The following AOPEP variants were observed in gnomAD, a reference collection of about 807,000 sequenced individuals.
The protein encoded by AOPEP is aminopeptidase O (putative), also known as aminopeptidase O.
Under a neutral mutation model 98.1 loss-of-function variants are expected in AOPEP, and 77 were observed. That is an observed-to-expected ratio of 0.78 (90% CI 0.65 to 0.95). The LOEUF (loss-of-function observed/expected upper bound fraction) is 0.95, where lower values mean the gene tolerates loss of function less well. Among genes scored for constraint, AOPEP ranks in the 40% least tolerant of loss-of-function variants. The pLI is 0.00. For synonymous variants in AOPEP, 346 were observed against 365.3 expected (o/e 0.95, Z 0.60); for missense variants, 1,024 against 1,024.7 (o/e 1.00, Z 0.01).
chr9:94,871,400 G>A (rs1287862300), intron 5 of AOPEP, among the ~76,000 whole-genome samples: 9 of 152,142 alleles, frequency 5.9e-5, no homozygotes. Flanking sequence ...GCGTAATGGT[G>A]GCTGATTTTA....
At chr9:94,896,494 C>G (rs138430940) in intron 5 of AOPEP, among the ~76,000 whole-genome samples, 1 of 152,258 alleles carries the variant, frequency 6.6e-6, no homozygotes, top group Non-Finnish European at 1.5e-5. Flanking sequence ...AGAAACCTGA[C>G]AGACTGGACT....
chr9:95,135,441 G>T, the AOPEP span: 25 of 1,613,800 alleles, frequency 1.5e-5, no homozygotes, highest in African/African-American at 2.7e-5. Context: ...GCTTTTTCAA[G>T]GCTGGGAAGG....
At chr9:95,109,191 C>T in the AOPEP span, among the ~76,000 whole-genome samples, 6 of 152,198 alleles carry the variant, frequency 3.9e-5, no homozygotes, top group African/African-American at 9.7e-5. Flanking sequence ...AGATTACAGG[C>T]ATGAACCACC....
intron 13 of AOPEP, among the ~76,000 whole-genome samples, chr9:95,043,539 T>C (rs2065551869): frequency 6.6e-6 from 1 of 152,228 alleles, no homozygotes; most frequent in Non-Finnish European, 1.5e-5. Flanking sequence ...TTGCTTTGTC[T>C]TGTGAAATTT....
intron 14 of AOPEP, among the ~76,000 whole-genome samples, chr9:95,074,648 C>G (rs1036160758): frequency 2.0e-4 from 30 of 152,230 alleles, no homozygotes; most frequent in Non-Finnish European, 3.7e-4. Flanking sequence ...CTAAAGCATT[C>G]AAGGGTGCAC....
At chr9:95,097,617 C>G in the AOPEP span, among the ~76,000 whole-genome samples, 31 of 152,346 alleles carry the variant, frequency 2.0e-4, no homozygotes, top group Middle Eastern at 6.8e-3. Context: ...TCATCAGTTC[C>G]CCTTTACTTT....
At chr9:95,105,956 C>A in the AOPEP span, among the ~76,000 whole-genome samples, 1 of 152,256 alleles carries the variant, frequency 6.6e-6, no homozygotes, top group African/African-American at 2.4e-5. Context: ...GCCCTCCAGC[C>A]CCTGCTTTCG....
chr9:94,958,229 C>T (rs1274546177), intron 9 of AOPEP, among the ~76,000 whole-genome samples: 1 of 152,204 alleles, frequency 6.6e-6, no homozygotes, highest in African/African-American at 2.4e-5. Context: ...AATTTCTTCC[C>T]TTCTTAAAGC....
At chr9:94,857,753 A>T (rs1050848263) in intron 5 of AOPEP, among the ~76,000 whole-genome samples, 1 of 152,206 alleles carries the variant, frequency 6.6e-6, no homozygotes. Flanking sequence ...TTATCATTTC[A>T]TGGAATGTGA....
At chr9:95,101,805 C>T in the AOPEP span, 1 of 1,614,108 alleles carries the variant, frequency 6.2e-7, no homozygotes, top group South Asian at 1.1e-5. Context: ...AAGGTCTGGT[C>T]AAGAAAGCCA....
At chr9:94,865,026 G>C (rs547522803) in intron 5 of AOPEP, among the ~76,000 whole-genome samples, 1 of 152,178 alleles carries the variant, frequency 6.6e-6, no homozygotes, top group South Asian at 2.1e-4. Flanking sequence ...ACACACACTC[G>C]AGTAATTTTC....
At chr9:94,871,392 G>T (rs113729626) in intron 5 of AOPEP, among the ~76,000 whole-genome samples, 2 of 152,156 alleles carry the variant, frequency 1.3e-5, no homozygotes, top group South Asian at 2.1e-4. Flanking sequence ...ACCACCCTGC[G>T]TAATGGTGGC....
At chr9:94,889,948 G>A (rs7862219) in intron 5 of AOPEP, among the ~76,000 whole-genome samples, 65,731 of 151,620 alleles carry the variant, frequency 0.43, 14,802 homozygotes, top group East Asian at 0.63. Flanking sequence ...ATATTTTTAT[G>A]TGCTTAAGTG....
chr9:94,910,046 G>A (rs1344173674), intron 5 of AOPEP, among the ~76,000 whole-genome samples: 4 of 152,138 alleles, frequency 2.6e-5, no homozygotes, highest in Non-Finnish European at 4.4e-5. Flanking sequence ...TTTCGGTTGC[G>A]GCAAGACTGC....
intron 14 of AOPEP, among the ~76,000 whole-genome samples, chr9:95,062,637 A>G (rs907560927): frequency 2.0e-5 from 3 of 152,114 alleles, no homozygotes; most frequent in Non-Finnish European, 4.4e-5. Flanking sequence ...ACTATTAACC[A>G]TTCTTTCTAT....
chr9:95,058,487 G>A (rs1294212230), intron 13 of AOPEP, among the ~76,000 whole-genome samples: 5 of 152,180 alleles, frequency 3.3e-5, no homozygotes, highest in African/African-American at 7.2e-5. Flanking sequence ...TGGTGGTGCC[G>A]AGAATCACTT....
At chr9:94,922,103 G>A (rs2053701686) in intron 5 of AOPEP, among the ~76,000 whole-genome samples, 1 of 152,098 alleles carries the variant, frequency 6.6e-6, no homozygotes, top group Admixed American at 6.5e-5. Context: ...GAAAGGGTGG[G>A]AGAAAGAAGT....
chr9:94,850,547 C>G (rs1305502434), intron 5 of AOPEP, among the ~76,000 whole-genome samples: 1 of 152,154 alleles, frequency 6.6e-6, no homozygotes, highest in Admixed American at 6.5e-5. Context: ...GACAAAAAAA[C>G]TGAAGCCCAT....
At chr9:94,828,418 T>C (rs2134377650) in intron 5 of AOPEP, among the ~76,000 whole-genome samples, 1 of 152,334 alleles carries the variant, frequency 6.6e-6, no homozygotes, top group Admixed American at 6.5e-5. Context: ...AGGAGGGGTG[T>C]TTTGCCTGTG....
Sources: gnomAD v4.1 joint callset for allele counts (sites outside exome capture counted in the v4.1 genomes callset) on GRCh38, gnomAD v4.1.1 for gene constraint, MANE v1.5 for transcripts, NCBI Gene and HGNC (gene_info 2026-07-23, HGNC 2026-07-21) for gene names.